Variants in CNTN6 observed in about 807,000 individuals in gnomAD.
CNTN6 encodes the protein contactin 6, also known as contactin-6.
In CNTN6, 137 loss-of-function variants were observed where a neutral mutation model predicts 122.8. The observed-to-expected ratio is 1.12, with a 90% CI of 0.97 to 1.29. The LOEUF is 1.29. Among genes scored for constraint, CNTN6 ranks in the 50% most tolerant of loss-of-function variants. The pLI is 0.00. For synonymous variants in CNTN6, 570 were observed against 426.0 expected, an observed-to-expected ratio of 1.34 and a Z score of -4.16; for missense variants, 1,634 against 1,223.4, an observed-to-expected ratio of 1.34 and a Z score of -5.01.
intron 7 of CNTN6, among the ~76,000 whole-genome samples, chr3:1,311,270 T>C (rs1699201073): frequency 6.8e-6 from 1 of 146,622 alleles, no homozygotes; most frequent in African/African-American, 2.5e-5. Flanking sequence ...TATGTGTATA[T>C]ATACATACAT....
At chr3:1,274,320 C>T (rs1160231231) in intron 4 of CNTN6, among the ~76,000 whole-genome samples, 2 of 151,896 alleles carry the variant, frequency 1.3e-5, no homozygotes, top group Non-Finnish European at 2.9e-5. Flanking sequence ...TTTTCATGGC[C>T]AAAGAAGAAA....
In CNTN6 at chr3:1,374,008, C is replaced by T. The variant is rs199663087; in HGVS notation, c.2030C>T (p.Ala677Val). 1.9e-6 allele frequency: 3 copies of T among 1,613,034 alleles called. No homozygotes were observed. Among genetic ancestry groups the T allele is most frequent in the Non-Finnish European group, 8.5e-7 (1 of 1,179,340 alleles). Residue 677 changes from alanine (A) to valine (V), a missense_variant, in exon 16 of 23, where the codon GCC becomes GTC. Transcript: ENST00000446702. ...PWVEYEFRVVAGNSIGIGEPS... is the reference protein window; with the variant it reads ...PWVEYEFRVVVGNSIGIGEPS... ...GTGGAATATGAATTTCGTGTTGTTGCCGGCAACAGCATTGGGATTGGAGAA... is the reference window on the plus strand; with the variant it reads ...GTGGAATATGAATTTCGTGTTGTTGTCGGCAACAGCATTGGGATTGGAGAA...
chr3:1,124,774 C>T (rs1291056880), intron 1 of CNTN6, among the ~76,000 whole-genome samples: 1 of 151,886 alleles, frequency 6.6e-6, no homozygotes, highest in Non-Finnish European at 1.5e-5. Flanking sequence ...ATTCAATTTT[C>T]GGCCACTTCC....
At chr3:1,363,796 T>G (rs371295985) in intron 12 of CNTN6, among the ~76,000 whole-genome samples, 1 of 151,900 alleles carries the variant, frequency 6.6e-6, no homozygotes, top group East Asian at 1.9e-4. Context: ...ATTGCTGGGT[T>G]GTATGGTATC....
At chr3:1,194,410 CTTTATG>C (rs2093746337) in intron 2 of CNTN6, among the ~76,000 whole-genome samples, 1 of 151,920 alleles carries the variant, frequency 6.6e-6, no homozygotes, top group Non-Finnish European at 1.5e-5. Flanking sequence ...TGGATCAGAT[CTTTATG>C]GAGAAAAACT....
intron 2 of CNTN6, among the ~76,000 whole-genome samples, chr3:1,156,150 C>G (rs1472440782): frequency 6.6e-6 from 1 of 152,168 alleles, no homozygotes; most frequent in African/African-American, 2.4e-5. Flanking sequence ...TTAAAAATCC[C>G]CAAGTCTCTC....
chr3:1,319,504 A>T (rs987544940), intron 7 of CNTN6, among the ~76,000 whole-genome samples: 3 of 151,578 alleles, frequency 2.0e-5, no homozygotes, highest in Non-Finnish European at 4.4e-5. Flanking sequence ...CAAAATGTTC[A>T]GTTACTTAGG....
At chr3:1,322,765 T>G (rs934984694) in intron 8 of CNTN6, among the ~76,000 whole-genome samples, 2 of 151,520 alleles carry the variant, frequency 1.3e-5, no homozygotes, top group African/African-American at 4.8e-5. Context: ...ATTTTCCATT[T>G]TCTTTAGAAT....
At chr3:1,301,276 C>G (rs1166239375) in intron 7 of CNTN6, among the ~76,000 whole-genome samples, 1 of 152,008 alleles carries the variant, frequency 6.6e-6, no homozygotes, top group African/African-American at 2.4e-5. Flanking sequence ...ACCTCCTGCT[C>G]CACCCATCTT....
intron 2 of CNTN6, among the ~76,000 whole-genome samples, chr3:1,203,579 G>C (rs1559507362): frequency 6.6e-6 from 1 of 152,198 alleles, no homozygotes; most frequent in Non-Finnish European, 1.5e-5. Flanking sequence ...AGAGCACTTG[G>C]GAGACGTTTA....
intron 1 of CNTN6, among the ~76,000 whole-genome samples, chr3:1,099,459 A>G (rs1278197759): frequency 6.6e-6 from 1 of 152,086 alleles, no homozygotes; most frequent in African/African-American, 2.4e-5. Context: ...TCAAAAAATT[A>G]ATTAATTAAT....
intron 2 of CNTN6, among the ~76,000 whole-genome samples, chr3:1,193,445 T>C (rs556520633): frequency 1.3e-5 from 2 of 152,132 alleles, no homozygotes; most frequent in East Asian, 1.9e-4. Context: ...AAGGTAAAAA[T>C]AGAATAATAG....
chr3:1,268,432 C>T lies in CNTN6; in HGVS notation c.359-9981C>T, dbSNP rs539163107. On this transcript the variant is annotated intron_variant, in intron 4 of 22. Transcript: ENST00000446702. ...ACCATCCTGGTTAATGTGGTGAAAC[C>T]CCGTCTCTACTAAAAATATAAAAAA... Among the ~76,000 whole-genome samples, 20 of 151,950 alleles carry T rather than the reference C, an allele frequency of 1.3e-4. No individual in the cohort carries two copies. In the South Asian group the frequency reaches 1.9e-3, roughly 14 times the overall value.
At chr3:1,304,732 G>A (rs560054273) in intron 7 of CNTN6, among the ~76,000 whole-genome samples, 6 of 151,770 alleles carry the variant, frequency 4.0e-5, no homozygotes, top group African/African-American at 7.3e-5. Flanking sequence ...AGTGGCTCAC[G>A]CCTGTAATCC....
At chr3:1,244,768 A>G (rs2094537189) in intron 4 of CNTN6, among the ~76,000 whole-genome samples, 1 of 152,034 alleles carries the variant, frequency 6.6e-6, no homozygotes, top group Non-Finnish European at 1.5e-5. Context: ...GGATTTGGGA[A>G]GGTGATGGAA....
At chr3:1,205,392 T>C (rs539767376) in intron 2 of CNTN6, among the ~76,000 whole-genome samples, 2 of 152,324 alleles carry the variant, frequency 1.3e-5, no homozygotes, top group South Asian at 4.1e-4. Flanking sequence ...CAAAATAGTC[T>C]CAACTTCTCA....
chr3:1,231,775 G>C (rs2094355218), intron 4 of CNTN6, among the ~76,000 whole-genome samples: 2 of 152,116 alleles, frequency 1.3e-5, no homozygotes, highest in Non-Finnish European at 2.9e-5. Flanking sequence ...TACTCAGGTA[G>C]ATCCTATTTT....
chr3:1,385,649 A>AGGTAAAATTAGAGTCAGTG lies in CNTN6; in HGVS notation c.2558_2576dup (p.Asn860Ter). On this transcript the variant is annotated frameshift_variant, in exon 20 of 23. Coordinates refer to ENST00000446702, the MANE Select transcript of CNTN6 (RefSeq NM_001289080.2). LOFTEE classifies it high-confidence loss of function. ...CAGATGACTCCAAAGAATCCATGAT[A>AGGTAAAATTAGAGTCAGTG]GGTAAAATTAGAGTCAGTGGAAATG... is the stretch of plus-strand genomic sequence containing the variant. 14 of 1,614,046 alleles carry AGGTAAAATTAGAGTCAGTG rather than the reference A, an allele frequency of 8.7e-6. No homozygotes were observed. Among genetic ancestry groups the AGGTAAAATTAGAGTCAGTG allele is most frequent in the Non-Finnish European group, 1.2e-5 (14 of 1,179,918 alleles).
At chr3:1,201,427 G>T (rs773062428) in intron 2 of CNTN6, among the ~76,000 whole-genome samples, 1 of 151,832 alleles carries the variant, frequency 6.6e-6, no homozygotes, top group Non-Finnish European at 1.5e-5. Context: ...GTTGAGATTT[G>T]AATCAGATAA....
Sources: gnomAD v4.1 joint callset for allele counts (sites outside exome capture counted in the v4.1 genomes callset) on GRCh38, gnomAD v4.1.1 for gene constraint, MANE v1.5 for transcripts, NCBI Gene and HGNC (gene_info 2026-07-23, HGNC 2026-07-21) for gene names.